FOXP1: variants seen among roughly 807,000 people sequenced by gnomAD.
FOXP1 encodes the protein forkhead box protein P1.
In FOXP1, 15 loss-of-function variants were observed where a neutral mutation model predicts 98.2. That is an observed-to-expected ratio of 0.15 (90% CI 0.10 to 0.24). The LOEUF is 0.24. Ranked by LOEUF, FOXP1 falls within the 10% of genes least tolerant of loss-of-function variation. The pLI, the probability that FOXP1 is intolerant of heterozygous loss-of-function variation, is 1.00. For missense variants in FOXP1, 633 were observed against 848.5 expected (o/e 0.75, Z 3.15); for synonymous variants, 371 against 314.5 (o/e 1.18, Z -1.90).
chr3:71,417,090 A>T (rs750671966), intron 3 of FOXP1, among the ~76,000 whole-genome samples: 5 of 152,194 alleles, frequency 3.3e-5, no homozygotes, highest in Non-Finnish European at 7.3e-5. Flanking sequence ...AAACTAGAGG[A>T]GGTCCTTACA....
intron 3 of FOXP1, among the ~76,000 whole-genome samples, chr3:71,457,008 A>G (rs2087573274): frequency 1.3e-5 from 2 of 152,094 alleles, no homozygotes; most frequent in South Asian, 4.1e-4. Flanking sequence ...GGATATAAAG[A>G]TGGGTATTGG....
chr3:71,510,273 G>C (rs563869096), intron 2 of FOXP1, among the ~76,000 whole-genome samples: 1 of 151,964 alleles, frequency 6.6e-6, no homozygotes, highest in Non-Finnish European at 1.5e-5. Flanking sequence ...TGTATCACTT[G>C]AGGACCAGCC....
intron 5 of FOXP1, among the ~76,000 whole-genome samples, chr3:71,286,909 A>G (rs1463849814): frequency 4.6e-5 from 7 of 152,200 alleles, no homozygotes; most frequent in African/African-American, 1.4e-4. Context: ...ATCTTTTATG[A>G]AACTCACTCA....
rs184843525 is a variant in FOXP1 at position 71,095,131 on chromosome 3, T to C, written c.282+17405A>G. Among the ~76,000 whole-genome samples the C allele has an allele frequency of 3.3e-5, 5 of 152,372 alleles. No homozygotes were observed. The East Asian group carries it at 9.6e-4, about 29-fold the overall frequency. ...AGCGAAATATTTATTTTCAAATTCATCTGTGTACATTTTCAAAATTACTGC... is the reference window on the plus strand; with the variant it reads ...AGCGAAATATTTATTTTCAAATTCACCTGTGTACATTTTCAAAATTACTGC... On this transcript the variant is annotated intron_variant, in intron 7 of 20. Transcript: ENST00000649528.
intron 10 of FOXP1, among the ~76,000 whole-genome samples, chr3:71,043,669 C>T (rs1028224845): frequency 2.6e-5 from 4 of 152,192 alleles, no homozygotes; most frequent in African/African-American, 9.7e-5. Flanking sequence ...CCACCTATTT[C>T]TCAACTCAAA....
At chr3:71,535,662 T>C (rs1342701690) in intron 2 of FOXP1, among the ~76,000 whole-genome samples, 3 of 152,176 alleles carry the variant, frequency 2.0e-5, no homozygotes, top group African/African-American at 7.2e-5. Context: ...AGGTGAAGGC[T>C]GCAGTAAGCT....
intron 6 of FOXP1, among the ~76,000 whole-genome samples, chr3:71,174,970 G>A (rs1273978850): frequency 6.6e-6 from 1 of 150,762 alleles, no homozygotes; most frequent in Non-Finnish European, 1.5e-5. Flanking sequence ...CTGGAGAGCA[G>A]CGCCATGATC....
At chr3:71,059,680 G>C (rs998437646) in intron 7 of FOXP1, among the ~76,000 whole-genome samples, 8 of 152,006 alleles carry the variant, frequency 5.3e-5, no homozygotes, top group African/African-American at 1.9e-4. Flanking sequence ...ACAATTTAGG[G>C]CATGTGAATT....
intron 5 of FOXP1, among the ~76,000 whole-genome samples, chr3:71,275,924 C>T (rs1260275723): frequency 6.6e-6 from 1 of 151,978 alleles, no homozygotes; most frequent in Non-Finnish European, 1.5e-5. Flanking sequence ...GCCTGTTTTC[C>T]TCCAGTCTAA....
intron 4 of FOXP1, among the ~76,000 whole-genome samples, chr3:71,345,501 T>C (rs565113658): frequency 2.0e-5 from 3 of 152,110 alleles, no homozygotes; most frequent in African/African-American, 4.8e-5. Flanking sequence ...AAGATGCCTT[T>C]AGCTTTGTGG....
intron 5 of FOXP1, among the ~76,000 whole-genome samples, chr3:71,213,037 C>G: frequency 6.6e-6 from 1 of 151,866 alleles, no homozygotes; most frequent in East Asian, 1.9e-4. Context: ...CATCTGTAAA[C>G]TTTAATCACT....
Position 71,219,763 on chromosome 3 carries a change from T to C in FOXP1, c.-11-21371A>G, listed in dbSNP as rs192811831. On this transcript the variant is annotated intron_variant, in intron 5 of 20. Transcript: ENST00000649528. ...TTTTTTGAATCCAGTTACCAGAAAA[T>C]TTAAAATTCCTTGTGTGGCTCTCCT... 3.8e-4 allele frequency among the ~76,000 whole-genome samples: 58 copies of C among 152,326 alleles called. 1 individual carries two copies. The highest frequency in any genetic ancestry group is 3.7e-3 in the Admixed American group (57 of 15,300).
At chr3:71,277,881 A>G (rs1019540155) in intron 5 of FOXP1, among the ~76,000 whole-genome samples, 5 of 152,238 alleles carry the variant, frequency 3.3e-5, no homozygotes, top group African/African-American at 9.6e-5. Flanking sequence ...GTAAGGTGGC[A>G]GGATCACAGC....
rs138947009 is a variant in FOXP1 at position 71,247,421 on chromosome 3, C to T, written c.-11-49029G>A. Among the ~76,000 whole-genome samples the T allele has an allele frequency of 8.5e-5, 13 of 152,260 alleles. No homozygotes were observed. In the East Asian group the frequency reaches 1.4e-3, roughly 16 times the overall value. On this transcript the variant is annotated intron_variant, in intron 5 of 20. Transcript: ENST00000649528. Reference sequence around the variant, plus strand: ...AGATGGCCTCCTCTGTCACACCTTACGGAATGCCATTGATTGTGGCTCAGA... The same window carrying T: ...AGATGGCCTCCTCTGTCACACCTTATGGAATGCCATTGATTGTGGCTCAGA...
Position 71,112,516 on chromosome 3 carries a change from A to G in FOXP1, c.282+20T>C. 1.3e-6 allele frequency: 2 copies of G among 1,581,504 alleles called. No individual in the cohort carries two copies. Among genetic ancestry groups the G allele is most frequent in the Non-Finnish European group, 1.7e-6 (2 of 1,150,416 alleles). On this transcript the variant is annotated intron_variant, in intron 7 of 20. Transcript: ENST00000649528. ...TCCCAAAGGGTATAATGTCAATTTA[A>G]AAAGAAAAAGAATTGTTACCTGAAG...
intron 7 of FOXP1, among the ~76,000 whole-genome samples, chr3:71,082,334 A>G (rs1420256514): frequency 6.6e-6 from 1 of 151,968 alleles, no homozygotes; most frequent in African/African-American, 2.4e-5. Context: ...AGAACATACT[A>G]GTCTGTGAAA....
intron 4 of FOXP1, among the ~76,000 whole-genome samples, chr3:71,339,854 T>A (rs2076913352): frequency 6.6e-6 from 1 of 152,180 alleles, no homozygotes; most frequent in Non-Finnish European, 1.5e-5. Context: ...CAATCCAATC[T>A]ATGGACCATT....
chr3:71,483,140 T>C (rs1577762795), intron 3 of FOXP1, among the ~76,000 whole-genome samples: 1 of 152,180 alleles, frequency 6.6e-6, no homozygotes, highest in South Asian at 2.1e-4. Flanking sequence ...CGCCCAGCCT[T>C]ACGTCACTTT....
At chr3:71,225,490 T>C (rs986183403) in intron 5 of FOXP1, among the ~76,000 whole-genome samples, 7 of 151,188 alleles carry the variant, frequency 4.6e-5, no homozygotes, top group Admixed American at 4.0e-4. Flanking sequence ...CTCTAAGCGA[T>C]ACTGATGTTT....
Sources: allele counts gnomAD v4.1 joint callset (sites outside exome capture counted in the v4.1 genomes callset), GRCh38; gene constraint gnomAD v4.1.1; transcripts MANE v1.5; gene names NCBI Gene and HGNC (gene_info 2026-07-23, HGNC 2026-07-21).